The following RAB7A variants were observed in gnomAD, a reference collection of about 807,000 sequenced individuals.
RAB7A encodes RAB7A, member RAS oncogene family.
In RAB7A, 2 loss-of-function variants were observed where a neutral mutation model predicts 24.5. The observed-to-expected ratio is 0.08, with a 90% confidence interval of 0.03 to 0.26. RAB7A has a LOEUF of 0.26. Among genes scored for constraint, RAB7A ranks in the 10% least tolerant of loss-of-function variants. RAB7A has a pLI of 1.00. For missense variants in RAB7A, 118 were observed against 255.7 expected, an observed-to-expected ratio of 0.46 and a Z score of 3.67; for synonymous variants, 100 against 95.9, an observed-to-expected ratio of 1.04 and a Z score of -0.25.
chr3:128,782,985 C>T (rs535498168), intron 1 of RAB7A, among the ~76,000 whole-genome samples: 84 of 152,162 alleles, frequency 5.5e-4, no homozygotes, highest in Admixed American at 1.8e-3. Context: ...CATCTGCAGC[C>T]CTCAGGGGAA....
At chr3:128,729,487 G>A (rs1210438154) in intron 1 of RAB7A, among the ~76,000 whole-genome samples, 1 of 151,404 alleles carries the variant, frequency 6.6e-6, no homozygotes, top group African/African-American at 2.4e-5. Context: ...GGAGAATGGC[G>A]TGAACCCAGG....
At chr3:128,775,761 A>G (rs532216292) in intron 1 of RAB7A, among the ~76,000 whole-genome samples, 5 of 152,318 alleles carry the variant, frequency 3.3e-5, no homozygotes, top group African/African-American at 1.2e-4. Flanking sequence ...TAACTTGACA[A>G]GTAATTTTTA....
In RAB7A at chr3:128,807,649, T is replaced by C. The variant is rs375630134; in HGVS notation, c.506T>C (p.Ile169Thr). The change falls in exon 5 of 6, where the codon ATT (isoleucine) becomes ACT (threonine). Residue 169 changes from isoleucine (I) to threonine (T), a missense_variant. Ile to Thr is a moderately conservative substitution (Grantham distance 89). Coordinates refer to ENST00000265062, the MANE Select transcript of RAB7A (RefSeq NM_004637.6). The part of the protein sequence containing the change: ...AINVEQAFQT[I>T]ARNALKQETE... Reference sequence around the variant, plus strand: ...AACGTGGAGCAGGCGTTCCAGACGATTGCACGGAATGCACTTAAGCAGGTG... The same window carrying C: ...AACGTGGAGCAGGCGTTCCAGACGACTGCACGGAATGCACTTAAGCAGGTG... The C allele has an allele frequency of 3.1e-6, 5 of 1,614,074 alleles. No individual in the cohort carries two copies. The highest frequency in any genetic ancestry group is 2.7e-5 in the African/African-American group (2 of 74,934).
At chr3:128,745,564 C>T (rs758379912) in intron 1 of RAB7A, among the ~76,000 whole-genome samples, 9 of 152,122 alleles carry the variant, frequency 5.9e-5, no homozygotes, top group Non-Finnish European at 1.0e-4. Context: ...CGGGGTTTCG[C>T]CATGTTGGCC....
chr3:128,741,606 A>T (rs991547887), intron 1 of RAB7A, among the ~76,000 whole-genome samples: 1 of 151,876 alleles, frequency 6.6e-6, no homozygotes, highest in Non-Finnish European at 1.5e-5. Flanking sequence ...CTGGTCTCGA[A>T]CTCCTGCACT....
At chr3:128,781,630 C>G (rs1460710436) in intron 1 of RAB7A, among the ~76,000 whole-genome samples, 1 of 152,144 alleles carries the variant, frequency 6.6e-6, no homozygotes, top group Non-Finnish European at 1.5e-5. Flanking sequence ...TGATCATGCT[C>G]TACTGCACTC....
chr3:128,730,022 T>C (rs2070419010), intron 1 of RAB7A, among the ~76,000 whole-genome samples: 1 of 152,242 alleles, frequency 6.6e-6, no homozygotes, highest in South Asian at 2.1e-4. Context: ...AGGCTACCAT[T>C]GTATTCTCAG....
chr3:128,813,728 G>A lies in RAB7A; in HGVS notation c.*306G>A. 2 of 440,288 alleles carry A rather than the reference G, an allele frequency of 4.5e-6. No homozygotes were observed. The highest frequency in any genetic ancestry group is 4.2e-5 in the South Asian group (2 of 47,552). The allele number at this position is 440,288 out of a possible 1,614,324, so 27.3% of individuals were successfully genotyped here. ...GCAGCAGGACAAGCCAGCGGTGGAA[G>A]TCATTCTGATATGGAGTTGGCATTG... On this transcript the variant is annotated 3_prime_UTR_variant, in exon 6 of 6. Coordinates refer to ENST00000265062, the MANE Select transcript of RAB7A (RefSeq NM_004637.6).
intron 1 of RAB7A, among the ~76,000 whole-genome samples, chr3:128,731,034 G>A (rs2070431163): frequency 6.6e-6 from 1 of 152,184 alleles, no homozygotes; most frequent in Non-Finnish European, 1.5e-5. Context: ...ATAAAGGAAA[G>A]GAAGTTCTCT....
At chr3:128,764,814 C>T in intron 1 of RAB7A, 1 of 928,376 alleles carries the variant, frequency 1.1e-6, no homozygotes, top group South Asian at 1.3e-5. Flanking sequence ...TCATCAGTTT[C>T]TCGGCATGTT....
chr3:128,751,301 C>G (rs2070678880), intron 1 of RAB7A, among the ~76,000 whole-genome samples: 3 of 152,154 alleles, frequency 2.0e-5, no homozygotes, highest in Non-Finnish European at 4.4e-5. Context: ...GGAAAAGCTA[C>G]AGATACTCAA....
rs764099976 is a variant in RAB7A, at chr3:128,745,815, G to A, written c.-9+19456G>A. Among the ~76,000 whole-genome samples the A allele has an allele frequency of 7.2e-4, 110 of 152,358 alleles. 1 individual carries two copies. The highest frequency in any genetic ancestry group is 1.3e-3 in the Non-Finnish European group (87 of 68,034). ...GGATGCTTTTGAAGGCCACAGGGGT[G>A]CCAGTTGTCCTCTTGACTTGAATCC... On this transcript the variant is annotated intron_variant, in intron 1 of 5. Coordinates refer to ENST00000265062, the MANE Select transcript of RAB7A (RefSeq NM_004637.6).
intron 5 of RAB7A, among the ~76,000 whole-genome samples, chr3:128,809,490 T>A (rs1933872450): frequency 6.6e-6 from 1 of 152,244 alleles, no homozygotes; most frequent in Non-Finnish European, 1.5e-5. Context: ...TGGTTGGGCC[T>A]CTCTCAGTTC....
intron 4 of RAB7A, 57 bp from the exon 5 acceptor site, chr3:128,807,486 G>GAGTC: frequency 4.3e-6 from 7 of 1,611,852 alleles, no homozygotes; most frequent in Non-Finnish European, 5.9e-6. Context: ...GGGGAGGATG[G>GAGTC]AGTCAGTGCT....
intron 5 of RAB7A, among the ~76,000 whole-genome samples, chr3:128,811,901 AAAAT>A (rs939471462): frequency 1.3e-5 from 2 of 152,132 alleles, no homozygotes; most frequent in Non-Finnish European, 2.9e-5. Context: ...GGGGAAAATT[AAAAT>A]AAATAAATAA....
At position 128,795,272 on chromosome 3, in the gene RAB7A, TG is replaced by T. The variant is rs774180233; in HGVS notation, c.-8-84del. On this transcript the variant is annotated intron_variant, in intron 1 of 5. Transcript: ENST00000265062. ...AGGAAGGTTCAGGGCCCTGCACTGTTGGGGCTGCTCAGACATTTGTGCAAGG... is the reference window on the plus strand; with the variant it reads ...AGGAAGGTTCAGGGCCCTGCACTGTTGGGCTGCTCAGACATTTGTGCAAGG... The T allele has an allele frequency of 1.0e-4, 115 of 1,118,712 alleles. 1 individual carries two copies. Among genetic ancestry groups the T allele is most frequent in the Non-Finnish European group, 1.4e-4 (105 of 728,250 alleles). The allele number at this position is 1,118,712 out of a possible 1,614,324, so 69.3% of individuals were successfully genotyped here.
chr3:128,744,961 C>T (rs2070596148), intron 1 of RAB7A, among the ~76,000 whole-genome samples: 1 of 150,738 alleles, frequency 6.6e-6, no homozygotes, highest in Non-Finnish European at 1.5e-5. Context: ...GCAAGCTCTG[C>T]CTCCTGGGTT....
intron 1 of RAB7A, chr3:128,764,971 T>A: frequency 6.3e-7 from 1 of 1,596,290 alleles, no homozygotes; most frequent in Non-Finnish European, 8.5e-7. Context: ...GGCCTCTGAG[T>A]CCTGGTGGTA....
At chr3:128,737,517 T>C (rs1011735973) in intron 1 of RAB7A, among the ~76,000 whole-genome samples, 3 of 151,668 alleles carry the variant, frequency 2.0e-5, no homozygotes, top group African/African-American at 7.3e-5. Context: ...GCTAATTTTT[T>C]ATATTTTTGA....
Sources: allele counts gnomAD v4.1 joint callset (sites outside exome capture counted in the v4.1 genomes callset), GRCh38; gene constraint gnomAD v4.1.1; transcripts MANE v1.5; gene names NCBI Gene and HGNC (gene_info 2026-07-23, HGNC 2026-07-21).